The following NR2F1-AS1 variants were observed in gnomAD, a reference collection of about 807,000 sequenced individuals.
The protein encoded by NR2F1-AS1 is NR2F1 antisense RNA 1.
chr5:93,468,853 C>T (rs1225505494), intron 4 of NR2F1-AS1, among the ~76,000 whole-genome samples: 1 of 151,848 alleles, frequency 6.6e-6, no homozygotes, highest in African/African-American at 2.4e-5. Context: ...CCAGTTTCAG[C>T]TTTCTACATA....
At chr5:93,475,173 T>C (rs1319147612) in intron 4 of NR2F1-AS1, among the ~76,000 whole-genome samples, 1 of 151,464 alleles carries the variant, frequency 6.6e-6, no homozygotes, top group Non-Finnish European at 1.5e-5. Context: ...TTTTAGTGTG[T>C]GTATGCCTAT....
At chr5:93,509,128 A>C (rs1210080831) in intron 4 of NR2F1-AS1, among the ~76,000 whole-genome samples, 1 of 152,184 alleles carries the variant, frequency 6.6e-6, no homozygotes, top group African/African-American at 2.4e-5. Context: ...AAAATGCAGT[A>C]CATTCATATA....
At position 93,469,497 on chromosome 5, in the gene NR2F1-AS1, G is replaced by A. The variant is rs555148974; in HGVS notation, n.639-73955C>T. Among the ~76,000 whole-genome samples the A allele has an allele frequency of 3.3e-5, 5 of 152,042 alleles. No individual in the cohort carries two copies. In the East Asian group the frequency reaches 9.7e-4, roughly 29 times the overall value. ...TATATTCTGTGTATACAGAGAACCC[G>A]GTCATAGGAAAAACCAACTAAAGCT... is the stretch of plus-strand genomic sequence containing the variant. On this transcript the variant is annotated intron_variant and non_coding_transcript_variant, in intron 4 of 5. Transcript: ENST00000660523.
chr5:93,443,887 G>A (rs1177372077), intron 4 of NR2F1-AS1, among the ~76,000 whole-genome samples: 3 of 152,202 alleles, frequency 2.0e-5, no homozygotes, highest in Non-Finnish European at 4.4e-5. Context: ...GAGAGTGGGG[G>A]CCAATATTCA....
intron 4 of NR2F1-AS1, among the ~76,000 whole-genome samples, chr5:93,539,941 A>C (rs1241032089): frequency 6.6e-6 from 1 of 152,226 alleles, no homozygotes; most frequent in Non-Finnish European, 1.5e-5. Flanking sequence ...AAAATAAAGC[A>C]GTGTCAGTGT....
chr5:93,451,594 G>C (rs1056348897), intron 4 of NR2F1-AS1, among the ~76,000 whole-genome samples: 90 of 152,106 alleles, frequency 5.9e-4, no homozygotes, highest in Admixed American at 9.8e-4. Context: ...GTAGAGGGGG[G>C]GTTCTGCCAT....
At chr5:93,500,178 T>A (rs1448083221) in intron 4 of NR2F1-AS1, among the ~76,000 whole-genome samples, 6 of 152,294 alleles carry the variant, frequency 3.9e-5, no homozygotes, top group African/African-American at 1.4e-4. Context: ...CAGCCTTCGG[T>A]TGAAAGAAGA....
At chr5:93,501,992 G>C (rs1021250567) in intron 4 of NR2F1-AS1, among the ~76,000 whole-genome samples, 3 of 152,154 alleles carry the variant, frequency 2.0e-5, no homozygotes, top group African/African-American at 7.2e-5. Flanking sequence ...CAACACTGAG[G>C]AAAGACCCTC....
At chr5:93,453,638 T>A (rs1028511891) in intron 4 of NR2F1-AS1, among the ~76,000 whole-genome samples, 3 of 151,642 alleles carry the variant, frequency 2.0e-5, no homozygotes, top group African/African-American at 7.3e-5. Flanking sequence ...AAGAATAAAA[T>A]CAAGAATGAT....
chr5:93,566,247 T>C (rs1752615126), intron 1 of NR2F1-AS1, among the ~76,000 whole-genome samples: 3 of 152,032 alleles, frequency 2.0e-5, no homozygotes, highest in Admixed American at 6.6e-5. Flanking sequence ...GATGTAGATA[T>C]ATAATGGAAA....
At chr5:93,488,980 C>T (rs1193244832) in intron 4 of NR2F1-AS1, among the ~76,000 whole-genome samples, 1 of 152,098 alleles carries the variant, frequency 6.6e-6, no homozygotes, top group Non-Finnish European at 1.5e-5. Flanking sequence ...CCATCATTCT[C>T]AGCAAACTAA....
At chr5:93,477,099 A>G (rs558971936) in intron 4 of NR2F1-AS1, among the ~76,000 whole-genome samples, 6 of 152,334 alleles carry the variant, frequency 3.9e-5, no homozygotes, top group African/African-American at 7.2e-5. Context: ...CATTGTATAT[A>G]TAACAGGAAA....
At chr5:93,424,008 A>C (rs1313309084) in intron 4 of NR2F1-AS1, among the ~76,000 whole-genome samples, 1 of 152,180 alleles carries the variant, frequency 6.6e-6, no homozygotes, top group Non-Finnish European at 1.5e-5. Context: ...CATATTTTTC[A>C]CACTGCACAG....
intron 1 of NR2F1-AS1, among the ~76,000 whole-genome samples, chr5:93,577,108 G>A (rs987455144): frequency 2.0e-5 from 3 of 152,168 alleles, no homozygotes; most frequent in Admixed American, 6.5e-5. Flanking sequence ...AAAAAGGCTC[G>A]ATTTGCATCC....
upstream of NR2F1-AS1, among the ~76,000 whole-genome samples, chr5:93,582,324 T>C (rs1211474387): frequency 6.6e-6 from 1 of 152,044 alleles, no homozygotes; most frequent in African/African-American, 2.4e-5. Context: ...AAGTTTATTT[T>C]TAAAATCATC....
intron 4 of NR2F1-AS1, among the ~76,000 whole-genome samples, chr5:93,478,643 C>T (rs1201106350): frequency 6.6e-6 from 1 of 152,056 alleles, no homozygotes; most frequent in East Asian, 1.9e-4. Flanking sequence ...ACCTTGTGAT[C>T]CACTCACCTC....
chr5:93,499,839 T>C (rs1373723204), intron 4 of NR2F1-AS1, among the ~76,000 whole-genome samples: 1 of 152,244 alleles, frequency 6.6e-6, no homozygotes, highest in African/African-American at 2.4e-5. Flanking sequence ...AACAGCCTTA[T>C]TGCTGATGCA....
At chr5:93,555,157 A>C (rs1752325371) in intron 2 of NR2F1-AS1, among the ~76,000 whole-genome samples, 1 of 152,006 alleles carries the variant, frequency 6.6e-6, no homozygotes, top group African/African-American at 2.4e-5. Flanking sequence ...TAGATTGCAA[A>C]CTCCTAAAGT....
intron 4 of NR2F1-AS1, among the ~76,000 whole-genome samples, chr5:93,450,575 T>C (rs1169752774): frequency 6.6e-6 from 1 of 152,216 alleles, no homozygotes; most frequent in Non-Finnish European, 1.5e-5. Flanking sequence ...AAGATCTATA[T>C]CACAATCACT....
Sources: gnomAD v4.1 joint callset for allele counts (sites outside exome capture counted in the v4.1 genomes callset) on GRCh38, gnomAD v4.1.1 for gene constraint, MANE v1.5 for transcripts, NCBI Gene and HGNC (gene_info 2026-07-23, HGNC 2026-07-21) for gene names.